The following RHOBTB1 variants were observed in gnomAD, a reference collection of about 807,000 sequenced individuals.
RHOBTB1 encodes Rho related BTB domain containing 1, also known as rho-related BTB domain-containing protein 1.
In RHOBTB1, 40 loss-of-function variants were observed where a neutral mutation model predicts 71.6. The ratio of observed to expected loss-of-function variants is 0.56; its 90% confidence interval spans 0.43 to 0.73. The LOEUF is 0.73. Ranked by LOEUF, RHOBTB1 falls within the 30% of genes least tolerant of loss-of-function variation. RHOBTB1 has a pLI of 0.00. For synonymous variants in RHOBTB1, 319 were observed against 334.9 expected, an observed-to-expected ratio of 0.95 and a Z score of 0.52; for missense variants, 797 against 894.0, an observed-to-expected ratio of 0.89 and a Z score of 1.38.
intron 2 of RHOBTB1, among the ~76,000 whole-genome samples, chr10:60,931,430 C>CAAT (rs1333875144): frequency 6.6e-6 from 1 of 152,190 alleles, no homozygotes; most frequent in African/African-American, 2.4e-5. Flanking sequence ...TGGAATCATG[C>CAAT]AATATGTGGC....
intron 4 of RHOBTB1, among the ~76,000 whole-genome samples, chr10:60,903,082 T>C (rs1352516981): frequency 6.6e-6 from 1 of 152,148 alleles, no homozygotes; most frequent in Non-Finnish European, 1.5e-5. Context: ...GAGAGACACC[T>C]CACCTGGATT....
intron 2 of RHOBTB1, among the ~76,000 whole-genome samples, chr10:60,966,736 G>A (rs978482512): frequency 1.3e-5 from 2 of 149,714 alleles, no homozygotes; most frequent in South Asian, 2.1e-4. Flanking sequence ...TGTGCACAAC[G>A]TGCAGGTTTG....
At position 60,871,545 on chromosome 10, in the gene RHOBTB1, T is replaced by C. The variant is rs1010809215; in HGVS notation, c.2028A>G (p.Ala676=). The C allele has an allele frequency of 1.9e-6, 3 of 1,614,160 alleles. No homozygotes were observed. Among genetic ancestry groups the C allele is most frequent in the African/African-American group, 1.3e-5 (1 of 75,054 alleles). ...TTCGTCTTGAGCGATGCTTATTTAGTGCAATATCTTCCTTCTCTCGTTCCC... is the reference window on the plus strand; with the variant it reads ...TTCGTCTTGAGCGATGCTTATTTAGCGCAATATCTTCCTTCTCTCGTTCCC... ...VKREREKEDI[A]LNKHRSRRKW... The change falls in exon 11 of 11, where the codon GCA becomes GCG. Residue 676 remains alanine (A), a synonymous_variant. Transcript: ENST00000337910.
chr10:60,897,956 G>A (rs973211155), intron 4 of RHOBTB1, among the ~76,000 whole-genome samples: 13 of 151,936 alleles, frequency 8.6e-5, no homozygotes, highest in Non-Finnish European at 1.0e-4. Flanking sequence ...TTCCCACCTC[G>A]GCTTTGCAAA....
intron 1 of RHOBTB1, among the ~76,000 whole-genome samples, chr10:60,942,282 T>C (rs71499294): frequency 6.6e-6 from 1 of 152,244 alleles, no homozygotes; most frequent in African/African-American, 2.4e-5. Flanking sequence ...TTTCCTGTTG[T>C]ATTTGTATAG....
chr10:60,896,145 T>A (rs1429718903), intron 4 of RHOBTB1, among the ~76,000 whole-genome samples: 5 of 152,268 alleles, frequency 3.3e-5, no homozygotes, highest in Non-Finnish European at 7.3e-5. Flanking sequence ...GAACTAGAGA[T>A]ATTAAATAAC....
intron 2 of RHOBTB1, among the ~76,000 whole-genome samples, chr10:60,952,089 A>G (rs765463803): frequency 1.6e-4 from 23 of 147,696 alleles, no homozygotes; most frequent in Non-Finnish European, 2.7e-4. Flanking sequence ...AGAACGGTAC[A>G]TGATAAAACT....
In RHOBTB1 at chr10:60,944,153, G is replaced by C. The variant is rs936587098; in HGVS notation, c.-244C>G. 6.6e-6 allele frequency: 1 copy of C among 151,926 alleles called. No homozygotes were observed. Among genetic ancestry groups the C allele is most frequent in the African/African-American group, 2.4e-5 (1 of 41,364 alleles). The allele number at this position is 151,926 out of a possible 1,614,324, so 9.4% of individuals were successfully genotyped here. ...CAGCATGGCACTGCCTCGCCCTGCC[G>C]CCTCGCCCGGCGCCGTGGCCGCTCT... On this transcript the variant is annotated 5_prime_UTR_variant, in exon 1 of 11. Transcript: ENST00000337910.
chr10:60,950,140 T>C (rs955030844), intron 2 of RHOBTB1, among the ~76,000 whole-genome samples: 1 of 152,226 alleles, frequency 6.6e-6, no homozygotes, highest in Admixed American at 6.5e-5. Flanking sequence ...ACAGTTTTTA[T>C]GGTCATCTGT....
chr10:60,977,525 C>G (rs2086355576), intron 2 of RHOBTB1, among the ~76,000 whole-genome samples: 1 of 152,030 alleles, frequency 6.6e-6, no homozygotes, highest in African/African-American at 2.4e-5. Context: ...ATTCCACAGG[C>G]AGAGGCAAAT....
At chr10:60,994,740 AT>A (rs2086988484) in intron 1 of RHOBTB1, among the ~76,000 whole-genome samples, 1 of 152,106 alleles carries the variant, frequency 6.6e-6, no homozygotes, top group South Asian at 2.1e-4. Flanking sequence ...CATAAACTAA[AT>A]AAAAAATAAC....
chr10:60,962,768 C>T (rs1164460979), intron 2 of RHOBTB1, among the ~76,000 whole-genome samples: 1 of 152,106 alleles, frequency 6.6e-6, no homozygotes. Context: ...TTAAAATGTT[C>T]TGATTTCTGG....
At chr10:60,912,206 T>A (rs1314499305) in intron 2 of RHOBTB1, among the ~76,000 whole-genome samples, 2 of 151,796 alleles carry the variant, frequency 1.3e-5, no homozygotes, top group African/African-American at 4.8e-5. Flanking sequence ...TGTGTGTGTA[T>A]ATATATGTGT....
At chr10:60,930,229 T>C (rs1455199074) in intron 2 of RHOBTB1, among the ~76,000 whole-genome samples, 1 of 152,218 alleles carries the variant, frequency 6.6e-6, no homozygotes, top group East Asian at 1.9e-4. Context: ...AGATACTTGC[T>C]AAGTGATTTT....
chr10:60,953,886 T>G (rs2085495985), intron 2 of RHOBTB1, among the ~76,000 whole-genome samples: 1 of 152,182 alleles, frequency 6.6e-6, no homozygotes. Context: ...TACACATTAA[T>G]GAGGGACTGA....
chr10:60,955,547 CAG>C (rs2085562565), intron 2 of RHOBTB1, among the ~76,000 whole-genome samples: 1 of 152,128 alleles, frequency 6.6e-6, no homozygotes, highest in South Asian at 2.1e-4. Context: ...TCCCAAACCA[CAG>C]AGAGTTGCTA....
chr10:60,888,354 C>T lies in RHOBTB1; in HGVS notation c.1314G>A (p.Glu438=), dbSNP rs1230679275. The T allele has an allele frequency of 8.1e-6, 13 of 1,614,044 alleles. No homozygotes were observed. Among genetic ancestry groups the T allele is most frequent in the Middle Eastern group, 1.6e-4 (1 of 6,084 alleles). Residue 438 remains glutamate (E), a synonymous_variant, in exon 6 of 11, where the codon GAG becomes GAA. Transcript: ENST00000337910. ...TCCTCAAATCGAACATCTCGAGGAC[C>T]TCTGCGATCTGAGCCAGGCCCACCA... The part of the protein sequence containing the change: ...KDLVGLAQIA[E]VLEMFDLRMM...
intron 4 of RHOBTB1, among the ~76,000 whole-genome samples, chr10:60,893,214 C>T (rs564262894): frequency 6.6e-6 from 1 of 152,104 alleles, no homozygotes; most frequent in Non-Finnish European, 1.5e-5. Context: ...TTCCATATTG[C>T]ACTGCAGAAT....
At chr10:60,952,939 C>T (rs944091005) in intron 2 of RHOBTB1, among the ~76,000 whole-genome samples, 6 of 152,088 alleles carry the variant, frequency 3.9e-5, no homozygotes, top group Admixed American at 3.9e-4. Context: ...TCAAAGAAAA[C>T]ACAATTTGTG....
Sources: allele counts gnomAD v4.1 joint callset (sites outside exome capture counted in the v4.1 genomes callset), GRCh38; gene constraint gnomAD v4.1.1; transcripts MANE v1.5; gene names NCBI Gene and HGNC (gene_info 2026-07-23, HGNC 2026-07-21).